The following SLC30A8 variants were observed in gnomAD, a reference collection of about 807,000 sequenced individuals.
SLC30A8 encodes proton-coupled zinc antiporter SLC30A8.
SLC30A8 carries 27 observed loss-of-function variants against 36.9 expected under a neutral mutation model. That is an observed-to-expected ratio of 0.73 (90% CI 0.54 to 1.01). The LOEUF is 1.01. Among genes scored for constraint, SLC30A8 ranks in the 50% least tolerant of loss-of-function variants. The pLI is 0.00. For synonymous variants in SLC30A8, 164 were observed against 172.4 expected (o/e 0.95, Z 0.38); for missense variants, 439 against 452.0 (o/e 0.97, Z 0.26).
intron 6 of SLC30A8, among the ~76,000 whole-genome samples, chr8:117,168,635 A>T (rs924378440): frequency 1.3e-5 from 2 of 152,132 alleles, no homozygotes; most frequent in African/African-American, 4.8e-5. Context: ...TAGTAATGAG[A>T]TGAAGGAGAC....
At chr8:117,154,115 T>C (rs1377049988) in intron 3 of SLC30A8, among the ~76,000 whole-genome samples, 1 of 152,276 alleles carries the variant, frequency 6.6e-6, no homozygotes, top group East Asian at 1.9e-4. Context: ...AGTTCTGGGG[T>C]ACATGTGCAG....
intron 2 of SLC30A8, among the ~76,000 whole-genome samples, chr8:117,102,417 G>A (rs1029036895): frequency 3.9e-5 from 6 of 152,150 alleles, no homozygotes; most frequent in East Asian, 1.9e-4. Flanking sequence ...TAAAAAGATC[G>A]AATGTTGCTA....
intron 1 of SLC30A8, chr8:117,006,986 T>G (rs1159572567): frequency 2.1e-5 from 1 of 48,064 alleles, no homozygotes; most frequent in African/African-American, 6.8e-5. Context: ...TTTTTTTTTC[T>G]GTAGAGACAG....
intron 2 of SLC30A8, among the ~76,000 whole-genome samples, chr8:117,077,718 T>G (rs572373512): frequency 5.0e-4 from 76 of 152,302 alleles, no homozygotes; most frequent in Non-Finnish European, 9.0e-4. Flanking sequence ...ATTTGTTGAA[T>G]GCATGTCAAC....
chr8:117,172,855 C>A lies in SLC30A8; in HGVS notation c.*174C>A. On this transcript the variant is annotated 3_prime_UTR_variant, in exon 8 of 8. Transcript: ENST00000456015. ...ACCATGAAGGAAGAGGCACTGAGAT[C>A]CATCAATCAATTGGATTATATACTG... 2.8e-6 allele frequency: 2 copies of A among 703,498 alleles called. No individual in the cohort carries two copies. The highest frequency in any genetic ancestry group is 4.7e-6 in the Non-Finnish European group (2 of 424,608). The allele number at this position is 703,498 out of a possible 1,614,324, so 43.6% of individuals were successfully genotyped here.
chr8:117,065,011 C>T (rs1818127220), intron 2 of SLC30A8, among the ~76,000 whole-genome samples: 1 of 152,192 alleles, frequency 6.6e-6, no homozygotes, highest in East Asian at 1.9e-4. Flanking sequence ...TGTCTTTACA[C>T]ATTAAAATGT....
chr8:116,977,551 G>A (rs552487538), intron 1 of SLC30A8, among the ~76,000 whole-genome samples: 9 of 135,486 alleles, frequency 6.6e-5, no homozygotes, highest in East Asian at 4.3e-4. Context: ...TGGCTCTGTC[G>A]CCCAGGCTGG....
chr8:117,160,403 T>TTGTGTGTGTGTGTGTG (rs71569723), intron 4 of SLC30A8, among the ~76,000 whole-genome samples: 7 of 145,908 alleles, frequency 4.8e-5, no homozygotes, highest in Admixed American at 6.8e-5. Context: ...AATTTTCCAC[T>TTGTGTGTGTGTGTGTG]TGTGTGTGTG....
chr8:117,130,356 A>G (rs1212052110), upstream of SLC30A8: 3 of 151,944 alleles, frequency 2.0e-5, no homozygotes, highest in Non-Finnish European at 4.4e-5. Context: ...TTCAGAGGAG[A>G]CGATGAGCTT....
intron 2 of SLC30A8, among the ~76,000 whole-genome samples, chr8:117,064,034 G>C (rs1317422388): frequency 6.6e-6 from 1 of 151,258 alleles, no homozygotes; most frequent in African/African-American, 2.4e-5. Context: ...TTTCGCTCTT[G>C]TTGCCCAGGT....
chr8:117,156,332 C>T (rs962639278), intron 3 of SLC30A8, among the ~76,000 whole-genome samples: 14 of 152,140 alleles, frequency 9.2e-5, no homozygotes, highest in Non-Finnish European at 1.5e-4. Flanking sequence ...CATGAGCCGC[C>T]GCACCCAGCC....
chr8:117,067,134 C>T (rs1818193695), intron 2 of SLC30A8, among the ~76,000 whole-genome samples: 1 of 152,072 alleles, frequency 6.6e-6, no homozygotes, highest in African/African-American at 2.4e-5. Context: ...CTTGAGAACG[C>T]TCACTATCAC....
chr8:117,130,607 A>AT (rs1460932920), upstream of SLC30A8, among the ~76,000 whole-genome samples: 1 of 152,028 alleles, frequency 6.6e-6, no homozygotes, highest in African/African-American at 2.4e-5. Context: ...GGGTTGGAAT[A>AT]TTAGAAAGTA....
At chr8:117,082,514 TAGAG>T (rs1342735949) in intron 2 of SLC30A8, among the ~76,000 whole-genome samples, 1 of 152,086 alleles carries the variant, frequency 6.6e-6, no homozygotes, top group Non-Finnish European at 1.5e-5. Flanking sequence ...GGTGGGTGGT[TAGAG>T]AGAACAGTCT....
chr8:117,083,116 C>T (rs1406307158), intron 2 of SLC30A8, among the ~76,000 whole-genome samples: 1 of 152,158 alleles, frequency 6.6e-6, no homozygotes, highest in Non-Finnish European at 1.5e-5. Context: ...CCACACTTCC[C>T]AGGTTCCTTC....
At chr8:117,103,373 C>T (rs1360549297) in intron 2 of SLC30A8, among the ~76,000 whole-genome samples, 1 of 152,096 alleles carries the variant, frequency 6.6e-6, no homozygotes, top group Non-Finnish European at 1.5e-5. Flanking sequence ...AGGCATCTGC[C>T]CTCTCTTCTT....
intron 1 of SLC30A8, among the ~76,000 whole-genome samples, chr8:117,020,868 TAAAGA>T (rs1347633539): frequency 6.6e-6 from 1 of 152,154 alleles, no homozygotes; most frequent in Non-Finnish European, 1.5e-5. Context: ...TATAAAAACC[TAAAGA>T]AAAGAGTGGA....
intron 5 of SLC30A8, among the ~76,000 whole-genome samples, chr8:117,162,364 G>A (rs919438981): frequency 6.6e-6 from 1 of 151,984 alleles, no homozygotes; most frequent in Non-Finnish European, 1.5e-5. Context: ...TCTGCTGCTT[G>A]GCCGAAGGGA....
At chr8:116,992,230 AT>A (rs1435784931) in intron 1 of SLC30A8, among the ~76,000 whole-genome samples, 2 of 152,204 alleles carry the variant, frequency 1.3e-5, no homozygotes, top group African/African-American at 4.8e-5. Flanking sequence ...GTGTTATCTT[AT>A]TTTAACTTTT....
Sources: allele counts gnomAD v4.1 joint callset (sites outside exome capture counted in the v4.1 genomes callset), GRCh38; gene constraint gnomAD v4.1.1; transcripts MANE v1.5; gene names NCBI Gene and HGNC (gene_info 2026-07-23, HGNC 2026-07-21).